Variants in NECAB2 observed in about 807,000 individuals in gnomAD.
NECAB2 encodes the protein N-terminal EF-hand calcium binding protein 2, also known as N-terminal EF-hand calcium-binding protein 2.
NECAB2 carries 68 observed loss-of-function variants against 51.9 expected under a neutral mutation model. The observed-to-expected ratio is 1.31, with a 90% CI of 1.08 to 1.60. NECAB2 has a LOEUF of 1.60. Ranked by LOEUF, NECAB2 falls within the 40% of genes most tolerant of loss-of-function variation. The pLI is 0.00. For missense variants in NECAB2, 854 were observed against 490.3 expected, an observed-to-expected ratio of 1.74 and a Z score of -7.00; for synonymous variants, 329 against 203.5, an observed-to-expected ratio of 1.62 and a Z score of -5.25.
intron 11 of NECAB2, 80 bp from the exon 12 acceptor site, chr16:84,001,745 T>A: frequency 1.3e-6 from 2 of 1,498,702 alleles, no homozygotes; most frequent in Non-Finnish European, 1.8e-6. Flanking sequence ...CATTTTGGGC[T>A]AGAGCTAGGA....
At chr16:83,986,981 A>G (rs913869528) in intron 5 of NECAB2, among the ~76,000 whole-genome samples, 1 of 152,208 alleles carries the variant, frequency 6.6e-6, no homozygotes, top group Non-Finnish European at 1.5e-5. Context: ...AACCCCCACC[A>G]TGACATACCC....
Position 83,996,542 on chromosome 16 carries a change from AGGT to A in NECAB2, c.796-670_796-668del, listed in dbSNP as rs369993284. Among the ~76,000 whole-genome samples the A allele has an allele frequency of 9.6e-4, 146 of 152,176 alleles. 1 individual carries two copies. In the East Asian group the frequency reaches 0.019, roughly 20 times the overall value. ...GGAGGATGGACAGAGATAGCCACAG[AGGT>A]GGTTAGTGGGGTGCCCAAGCTGAAG... On this transcript the variant is annotated intron_variant, in intron 8 of 12. Transcript: ENST00000305202.
chr16:83,981,121 CAAG>C lies in NECAB2; in HGVS notation c.457_459del (p.Lys153del). ...CTGTCCTGAAGGCCATGGGTTATACCAAGAAGGTCAGTGGGTGTAGGTGGCCCC... is the reference window on the plus strand; with the variant it reads ...CTGTCCTGAAGGCCATGGGTTATACCAAGGTCAGTGGGTGTAGGTGGCCCC... On this transcript the variant is annotated inframe_deletion, in exon 5 of 13. Transcript: ENST00000305202. 6.2e-7 allele frequency: 1 copy of C among 1,613,130 alleles called. No individual in the cohort carries two copies. The highest frequency in any genetic ancestry group is 1.1e-5 in the South Asian group (1 of 91,072).
At position 83,978,927 on chromosome 16, in the gene NECAB2, T is replaced by G. The variant is rs558505599; in HGVS notation, c.335+375T>G. 3.3e-5 allele frequency among the ~76,000 whole-genome samples: 5 copies of G among 152,200 alleles called. No individual in the cohort carries two copies. The South Asian group carries it at 1.0e-3, about 32-fold the overall frequency. On this transcript the variant is annotated intron_variant, in intron 3 of 12. Transcript: ENST00000305202. ...CTGTGTGTCCTCCCAGTCCCAACAT[T>G]AACTGTGAGGTTGAACGTCATCCTA...
upstream of NECAB2, chr16:83,965,996 A>C: frequency 6.4e-7 from 1 of 1,572,914 alleles, no homozygotes; most frequent in Non-Finnish European, 8.6e-7. Flanking sequence ...GGAGACCAGG[A>C]AGCCACCCTA....
In NECAB2 at chr16:83,972,159, C is replaced by T. The variant is rs2084356674; in HGVS notation, c.210C>T (p.Arg70=). 2 of 1,613,482 alleles carry T rather than the reference C, an allele frequency of 1.2e-6. No homozygotes were observed. The highest frequency in any genetic ancestry group is 1.7e-6 in the Non-Finnish European group (2 of 1,180,030). ...GCCTCTCTTTTCTGCAGATTTTCCG[C>T]CGTGCGGACAAAAATGGTGAGTTTC... ...GGTAVILDIF[R]RADKNDDGKL... The change falls in exon 2 of 13, where the codon CGC becomes CGT. Residue 70 remains arginine, a synonymous_variant. Transcript: ENST00000305202.
intron 2 of NECAB2, among the ~76,000 whole-genome samples, chr16:83,977,637 C>G (rs1007361697): frequency 6.6e-6 from 1 of 152,142 alleles, no homozygotes; most frequent in African/African-American, 2.4e-5. Flanking sequence ...GAAGCACAGC[C>G]TCTGGCCAGA....
chr16:83,971,871 T>G, intron 1 of NECAB2: 1 of 579,376 alleles, frequency 1.7e-6, no homozygotes, highest in Non-Finnish European at 3.1e-6. Flanking sequence ...CCTGCAGGGA[T>G]GGCCGTGGGC....
At position 83,998,241 on chromosome 16, in the gene NECAB2, C is replaced by T; in HGVS notation, c.886C>T (p.Pro296Ser). 19 of 1,612,410 alleles carry T rather than the reference C, an allele frequency of 1.2e-5. No individual in the cohort carries two copies. Among genetic ancestry groups the T allele is most frequent in the East Asian group, 2.2e-5 (1 of 44,862 alleles). The part of the protein sequence containing the change: ...QLVRQEMAVC[P>S]EQLSEFLDSL... ...GGTCCGGCAGGAGATGGCCGTGTGC[C>T]CCGAGCAACTGAGCGAGTTTCTGGA... The change falls in exon 10 of 13, where the codon CCC (proline) becomes TCC (serine). Residue 296 changes from proline to serine, a missense_variant. Coordinates refer to ENST00000305202, the MANE Select transcript of NECAB2 (RefSeq NM_019065.3).
intron 10 of NECAB2, among the ~76,000 whole-genome samples, chr16:84,000,060 T>TTA (rs35776689): frequency 0.16 from 22,979 of 147,120 alleles, 2,961 homozygotes; most frequent in African/African-American, 0.37. Context: ...CAAGTTTTAT[T>TTA]TTTTTTTTTT....
At chr16:83,989,406 C>A (rs1201498453) in intron 5 of NECAB2, among the ~76,000 whole-genome samples, 1 of 152,226 alleles carries the variant, frequency 6.6e-6, no homozygotes, top group African/African-American at 2.4e-5. Flanking sequence ...GTTTCTCAGT[C>A]TGTCTGTCAG....
At position 84,002,600 on chromosome 16, in the gene NECAB2, C is replaced by G; in HGVS notation, c.*254C>G. ...GGCTTCCTGGAGCCAGCACCCCTGC[C>G]TCCTGGTCCTGGCCTCTCCCCTACC... On this transcript the variant is annotated 3_prime_UTR_variant, in exon 13 of 13. Coordinates refer to ENST00000305202, the MANE Select transcript of NECAB2 (RefSeq NM_019065.3). The G allele has an allele frequency of 1.7e-6, 1 of 579,034 alleles. No individual in the cohort carries two copies. The highest frequency in any genetic ancestry group is 1.9e-5 in the African/African-American group (1 of 53,302). The allele number at this position is 579,034 out of a possible 1,614,324, so 35.9% of individuals were successfully genotyped here.
intron 5 of NECAB2, among the ~76,000 whole-genome samples, chr16:83,988,004 T>G (rs1367084393): frequency 6.6e-6 from 1 of 152,244 alleles, no homozygotes; most frequent in Admixed American, 6.5e-5. Flanking sequence ...TGGGCAGTAC[T>G]TTCTCATTTA....
intron 8 of NECAB2, among the ~76,000 whole-genome samples, chr16:83,995,943 C>T (rs1057003927): frequency 3.3e-5 from 5 of 152,210 alleles, no homozygotes; most frequent in Admixed American, 2.6e-4. Context: ...ATTTTTAGAG[C>T]ACCGTCGCCC....
intron 10 of NECAB2, among the ~76,000 whole-genome samples, chr16:83,999,017 C>G (rs28449772): frequency 0.041 from 6,284 of 152,232 alleles, 418 homozygotes; most frequent in African/African-American, 0.14. Context: ...AACTCCCTTC[C>G]CAGGGCTTTC....
At chr16:83,978,156 T>G (rs2084437628) in intron 2 of NECAB2, among the ~76,000 whole-genome samples, 1 of 152,190 alleles carries the variant, frequency 6.6e-6, no homozygotes, top group African/African-American at 2.4e-5. Context: ...ATTGTTAGTT[T>G]GAGGATTATC....
chr16:83,996,515 A>G (rs1426054753), intron 8 of NECAB2, among the ~76,000 whole-genome samples: 2 of 152,084 alleles, frequency 1.3e-5, no homozygotes, highest in Non-Finnish European at 2.9e-5. Context: ...GTCTGTCCTC[A>G]TGGAGGATGG....
At chr16:83,996,887 G>T (rs1398432577) in intron 8 of NECAB2, among the ~76,000 whole-genome samples, 1 of 152,156 alleles carries the variant, frequency 6.6e-6, no homozygotes, top group African/African-American at 2.4e-5. Flanking sequence ...TCCCTGAGGT[G>T]CTGGGGGTTA....
chr16:83,993,091 C>G (rs914203592), intron 6 of NECAB2, among the ~76,000 whole-genome samples: 1 of 152,102 alleles, frequency 6.6e-6, no homozygotes, highest in African/African-American at 2.4e-5. Context: ...TCCACACATG[C>G]CCCTCCCTCG....
Sources: allele counts gnomAD v4.1 joint callset (sites outside exome capture counted in the v4.1 genomes callset), GRCh38; gene constraint gnomAD v4.1.1; transcripts MANE v1.5; gene names NCBI Gene and HGNC (gene_info 2026-07-23, HGNC 2026-07-21).